FBXW12: variants seen among roughly 807,000 people sequenced by gnomAD.
FBXW12 encodes the protein F-box/WD repeat-containing protein 12.
FBXW12 carries 43 observed loss-of-function variants against 55.3 expected under a neutral mutation model. The observed-to-expected ratio is 0.78, with a 90% CI of 0.61 to 1.00. The LOEUF is 1.00. Ranked by LOEUF, FBXW12 falls within the 50% of genes least tolerant of loss-of-function variation. The pLI is 0.00. For synonymous variants in FBXW12, 184 were observed against 203.8 expected (o/e 0.90, Z 0.83); for missense variants, 524 against 560.5 (o/e 0.93, Z 0.66).
At chr3:48,388,892 G>C (rs893766597) in intron 10 of FBXW12, among the ~76,000 whole-genome samples, 1 of 152,082 alleles carries the variant, frequency 6.6e-6, no homozygotes, top group Non-Finnish European at 1.5e-5. Flanking sequence ...ATTTCTTTGA[G>C]CTATTCTGAA....
chr3:48,372,707 A>G lies in FBXW12; in HGVS notation c.-61A>G, dbSNP rs9852211. ...AGTGCTGCAGACTTTGGCAAAGCCTATAAATTCAGAGCAGCCCGGAGAGGA... is the reference window on the plus strand; with the variant it reads ...AGTGCTGCAGACTTTGGCAAAGCCTGTAAATTCAGAGCAGCCCGGAGAGGA... On this transcript the variant is annotated 5_prime_UTR_variant, in exon 2 of 11. Coordinates refer to ENST00000296438, the MANE Select transcript of FBXW12 (RefSeq NM_207102.2). 1 of 1,613,394 alleles carries G rather than the reference A, an allele frequency of 6.2e-7. No individual in the cohort carries two copies. The highest frequency in any genetic ancestry group is 1.3e-5 in the African/African-American group (1 of 74,890).
chr3:48,388,194 A>G (rs192060409), intron 10 of FBXW12, among the ~76,000 whole-genome samples: 2 of 152,238 alleles, frequency 1.3e-5, no homozygotes, highest in East Asian at 1.9e-4. Flanking sequence ...GTCACCCAAG[A>G]TATGCTCTAT....
At chr3:48,381,451 G>A (rs1459548895) in intron 8 of FBXW12, among the ~76,000 whole-genome samples, 1 of 152,108 alleles carries the variant, frequency 6.6e-6, no homozygotes, top group Admixed American at 6.5e-5. Flanking sequence ...TTAGGGCCTG[G>A]GTTCCAATGC....
At chr3:48,382,271 CA>C (rs1212121397) in intron 10 of FBXW12, among the ~76,000 whole-genome samples, 186 bp downstream of exon 10, 1 of 152,100 alleles carries the variant, frequency 6.6e-6, no homozygotes, top group African/African-American at 2.4e-5. Context: ...CATGTGCCAC[CA>C]CACCTGGCTA....
In FBXW12 at chr3:48,373,702, A is replaced by G. The variant is rs568098614; in HGVS notation, c.283A>G (p.Ile95Val). The change falls in exon 4 of 11, where the codon ATC (isoleucine) becomes GTC (valine). Residue 95 changes from isoleucine to valine, a missense_variant. By Grantham distance (29) the Ile-to-Val change is conservative. Transcript: ENST00000296438. ...HNFIYKVTKNIAFETELAYLS... is the reference protein window; with the variant it reads ...HNFIYKVTKNVAFETELAYLS... ...CTTTATCTACAAAGTAACTAAGAAC[A>G]TCGGTATGGGTATAGGTGCCCTAGA... 15 of 1,613,442 alleles carry G rather than the reference A, an allele frequency of 9.3e-6. No homozygotes were observed. The highest frequency in any genetic ancestry group is 1.6e-4 in the Middle Eastern group (1 of 6,078).
intron 1 of FBXW12, 56 bp from the exon 2 acceptor site, chr3:48,372,628 C>T (rs1282707322): frequency 1.9e-6 from 3 of 1,564,538 alleles, no homozygotes; most frequent in African/African-American, 2.7e-5. Flanking sequence ...GGAGTCTGCA[C>T]ACCTGCAGCT....
rs1439825592 is a variant in FBXW12 at position 48,373,326 on chromosome 3, G to A, written c.109G>A (p.Asp37Asn). ...QVNKHWNRIADSDYLWRSLSL... is the reference protein window; with the variant it reads ...QVNKHWNRIANSDYLWRSLSL... ...CCCATAGCATTGGAATAGGATTGCAGACAGTGATTACCTGTGGAGGTAAGG... is the reference window on the plus strand; with the variant it reads ...CCCATAGCATTGGAATAGGATTGCAAACAGTGATTACCTGTGGAGGTAAGG... The change falls in exon 3 of 11, where the codon GAC (aspartate) becomes AAC (asparagine). Residue 37 changes from aspartate (D) to asparagine (N), a missense_variant. By Grantham distance (23) the Asp-to-Asn change is conservative. Coordinates refer to ENST00000296438, the MANE Select transcript of FBXW12 (RefSeq NM_207102.2). 8 of 1,614,056 alleles carry A rather than the reference G, an allele frequency of 5.0e-6. No individual in the cohort carries two copies. The highest frequency in any genetic ancestry group is 6.8e-6 in the Non-Finnish European group (8 of 1,180,036).
In FBXW12 at chr3:48,375,472, G is replaced by A. The variant is rs1303696728; in HGVS notation, c.405G>A (p.Glu135=). 3 of 1,573,594 alleles carry A rather than the reference G, an allele frequency of 1.9e-6. No individual in the cohort carries two copies. The highest frequency in any genetic ancestry group is 1.4e-5 in the African/African-American group (1 of 73,324). Residue 135 remains glutamate, a splice_region_variant and synonymous_variant, in exon 5 of 11, where the codon GAG becomes GAA. Transcript: ENST00000296438. ...AGCTTTGTGCCTGGGATGTGCAAGA[G>A]GTGAGTCTGGCCAATATGTGGCAAA... ...KQELCAWDVQ[E]GTMIWSSPVQ... is the part of the protein sequence containing the mutation.
intron 10 of FBXW12, among the ~76,000 whole-genome samples, chr3:48,388,513 T>A (rs1444282253): frequency 6.6e-6 from 1 of 152,238 alleles, no homozygotes; most frequent in African/African-American, 2.4e-5. Flanking sequence ...TCTCTCCTTG[T>A]CCCTGGTAAT....
intron 6 of FBXW12, 29 bp downstream of exon 6, chr3:48,378,555 C>T: frequency 6.4e-7 from 1 of 1,574,412 alleles, no homozygotes. Flanking sequence ...TAGAGGGGAC[C>T]AAAAAATCAA....
chr3:48,381,924 C>T, intron 9 of FBXW12, 31 bp from the exon 10 acceptor site: 1 of 1,613,598 alleles, frequency 6.2e-7, no homozygotes, highest in South Asian at 1.1e-5. Flanking sequence ...ACTTTGACTC[C>T]TTGGCCACTC....
chr3:48,393,336 T>C (rs759846551), intron 10 of FBXW12, among the ~76,000 whole-genome samples: 5 of 151,990 alleles, frequency 3.3e-5, no homozygotes, highest in South Asian at 2.1e-4. Context: ...CCGGGGGAGA[T>C]AGTCGACAGG....
chr3:48,378,589 C>T, intron 6 of FBXW12, 63 bp downstream of exon 6: 1 of 1,288,816 alleles, frequency 7.8e-7, no homozygotes, highest in Non-Finnish European at 1.1e-6. Context: ...TGTCAGGCAT[C>T]CGTGTCACAT....
chr3:48,376,198 T>C (rs1560030418), intron 5 of FBXW12, among the ~76,000 whole-genome samples: 1 of 151,972 alleles, frequency 6.6e-6, no homozygotes, highest in Non-Finnish European at 1.5e-5. Context: ...GCCAGGCTGT[T>C]CTTGAACTTC....
In FBXW12 at chr3:48,391,313, T is replaced by G. The variant is rs58837553; in HGVS notation, c.1296-3247T>G. Among the ~76,000 whole-genome samples, 234 of 93,480 alleles carry G rather than the reference T, an allele frequency of 2.5e-3. 4 individuals are homozygous for G. The East Asian group carries it at 0.044, about 18-fold the overall frequency. 61.3% of individuals were successfully genotyped at this position (93,480 alleles called of 152,430 possible). Reference sequence around the variant, plus strand: ...ATTTAAAAAATACATATTATATCTATCTATACACACACACACACACACACA... The same window carrying G: ...ATTTAAAAAATACATATTATATCTAGCTATACACACACACACACACACACA... On this transcript the variant is annotated intron_variant, in intron 10 of 10. Transcript: ENST00000296438.
intron 10 of FBXW12, among the ~76,000 whole-genome samples, chr3:48,384,077 ATTTT>A (rs1344628119): frequency 6.6e-6 from 1 of 152,118 alleles, no homozygotes; most frequent in African/African-American, 2.4e-5. Flanking sequence ...TGGTTTGTAA[ATTTT>A]TACAAAAATT....
At chr3:48,381,174 C>T (rs895435316) in intron 8 of FBXW12, among the ~76,000 whole-genome samples, 4 of 152,120 alleles carry the variant, frequency 2.6e-5, no homozygotes, top group African/African-American at 9.7e-5. Context: ...AGGTGCCCGC[C>T]ACCATACCCG....
At chr3:48,388,435 C>T (rs931079536) in intron 10 of FBXW12, among the ~76,000 whole-genome samples, 7 of 152,178 alleles carry the variant, frequency 4.6e-5, no homozygotes, top group Non-Finnish European at 7.3e-5. Context: ...AGCTCTGTAA[C>T]TTGCTGCATA....
At position 48,394,718 on chromosome 3, in the gene FBXW12, A is replaced by G. The variant is rs2036982787; in HGVS notation, c.*59A>G. ...TTCTGCAATGTAGTAAAGAAATTCT[A>G]TTTGCAAGCCCAGAATGATTATTTT... On this transcript the variant is annotated 3_prime_UTR_variant, in exon 11 of 11. Transcript: ENST00000296438. 23 of 922,088 alleles carry G rather than the reference A, an allele frequency of 2.5e-5. No homozygotes were observed. Among genetic ancestry groups the G allele is most frequent in the Non-Finnish European group, 4.0e-5 (23 of 578,366 alleles). 57.1% of individuals were successfully genotyped at this position (922,088 alleles called of 1,614,324 possible).
Sources: gnomAD v4.1 joint callset for allele counts (sites outside exome capture counted in the v4.1 genomes callset) on GRCh38, gnomAD v4.1.1 for gene constraint, MANE v1.5 for transcripts, NCBI Gene and HGNC (gene_info 2026-07-23, HGNC 2026-07-21) for gene names.